Variants in EDA observed in about 807,000 individuals in gnomAD.
EDA encodes the protein ectodysplasin-A.
A neutral mutation model predicts 23.6 loss-of-function variants in EDA; 2 were observed. That is an observed-to-expected ratio of 0.08 (90% confidence interval 0.03 to 0.27). The LOEUF is 0.27. Ranked by LOEUF, EDA falls within the 10% of genes least tolerant of loss-of-function variation. The pLI, the probability that EDA is intolerant of heterozygous loss-of-function variation, is 1.00. For synonymous variants in EDA, 131 were observed against 132.0 expected (o/e 0.99, Z 0.05); for missense variants, 229 against 324.2 (o/e 0.71, Z 2.26).
intron 1 of EDA, among the ~76,000 whole-genome samples, chrX:69,776,722 CAGG>C (rs928594502): frequency 1.8e-5 from 2 of 110,798 alleles, no homozygotes; most frequent in Non-Finnish European, 3.8e-5. Flanking sequence ...ACAGAAATGG[CAGG>C]AGAAGATTTA....
At chrX:69,664,992 A>G (rs1436149595) in intron 1 of EDA, among the ~76,000 whole-genome samples, 1 of 111,938 alleles carries the variant, frequency 8.9e-6, no homozygotes, top group Non-Finnish European at 1.9e-5. Context: ...TGACTTTTTG[A>G]TAATAGCCAT....
rs763387510 is a variant in EDA, at chrX:69,690,927, C to T, written c.396+74223C>T. Among the ~76,000 whole-genome samples the T allele has an allele frequency of 1.6e-4, 18 of 111,787 alleles. No homozygotes were observed. The Admixed American group carries it at 1.6e-3, about 10-fold the overall frequency. ...AATTTGTATACATACAGTTGTTGATCATATTCCCTTATAGTCCTTGATGTA... is the reference window on the plus strand; with the variant it reads ...AATTTGTATACATACAGTTGTTGATTATATTCCCTTATAGTCCTTGATGTA... On this transcript the variant is annotated intron_variant, in intron 1 of 7. Coordinates refer to ENST00000374552, the MANE Select transcript of EDA (RefSeq NM_001399.5).
intron 1 of EDA, among the ~76,000 whole-genome samples, chrX:69,898,409 G>C (rs1332114997): frequency 1.9e-5 from 2 of 107,951 alleles, no homozygotes; most frequent in African/African-American, 6.7e-5. Context: ...CCCCATCCCT[G>C]CTAAAAATAC....
chrX:69,998,294 C>CT (rs1452342934), intron 2 of EDA, among the ~76,000 whole-genome samples: 1 of 112,624 alleles, frequency 8.9e-6, no homozygotes, highest in Non-Finnish European at 1.9e-5. Context: ...CATTTCGGTA[C>CT]TTTAAGATTT....
intron 1 of EDA, among the ~76,000 whole-genome samples, chrX:69,672,128 C>T (rs187258888): frequency 2.7e-5 from 3 of 111,618 alleles, no homozygotes; most frequent in African/African-American, 9.8e-5. Flanking sequence ...ACTGCTTGTT[C>T]ACTTTTGAGA....
chrX:69,805,171 T>C (rs1189371893), intron 1 of EDA, among the ~76,000 whole-genome samples: 5 of 111,401 alleles, frequency 4.5e-5, no homozygotes, highest in African/African-American at 1.6e-4. Flanking sequence ...CTGTATCAAA[T>C]AGAACTACAA....
At chrX:69,772,488 TA>T (rs2014666201) in intron 1 of EDA, among the ~76,000 whole-genome samples, 1 of 112,126 alleles carries the variant, frequency 8.9e-6, no homozygotes, top group African/African-American at 3.2e-5. Flanking sequence ...TTATTTTTAA[TA>T]ATTTCAATTT....
At position 69,967,395 on chromosome X, in the gene EDA, A is replaced by G. The variant is rs200951089; in HGVS notation, c.502+10263A>G. Among the ~76,000 whole-genome samples, 40 of 111,611 alleles carry G rather than the reference A, an allele frequency of 3.6e-4. No individual in the cohort carries two copies. The East Asian group carries it at 8.0e-3, about 22-fold the overall frequency. On this transcript the variant is annotated intron_variant, in intron 2 of 7. Transcript: ENST00000374552. The stretch of plus-strand genomic sequence containing the variant: ...ACCCAGGTTTCTGGCAAGGTACTAT[A>G]CTAGTCACTGATATAATGATCGGGG...
At chrX:69,914,834 C>T (rs1007234905) in intron 1 of EDA, among the ~76,000 whole-genome samples, 2 of 111,824 alleles carry the variant, frequency 1.8e-5, no homozygotes, top group Admixed American at 1.9e-4. Context: ...ACCAATTACT[C>T]CCATTACCTT....
intron 1 of EDA, among the ~76,000 whole-genome samples, chrX:69,633,879 A>T (rs1206776419): frequency 8.9e-6 from 1 of 112,193 alleles, no homozygotes; most frequent in Non-Finnish European, 1.9e-5. Context: ...GTATATACCT[A>T]GTGGTGGAAT....
chrX:69,702,332 T>G (rs1473587655), intron 1 of EDA, among the ~76,000 whole-genome samples: 2 of 109,452 alleles, frequency 1.8e-5, no homozygotes, highest in Non-Finnish European at 3.8e-5. Context: ...CAGTGGAGGA[T>G]AGATAGGGGC....
chrX:69,859,338 C>T (rs2017327529), intron 1 of EDA, among the ~76,000 whole-genome samples: 1 of 111,214 alleles, frequency 9.0e-6, no homozygotes, highest in Admixed American at 9.6e-5. Context: ...AACTTGAGAT[C>T]TTTCTAACTT....
chrX:69,642,711 A>T (rs1275423266), intron 1 of EDA, among the ~76,000 whole-genome samples: 1 of 111,669 alleles, frequency 9.0e-6, no homozygotes, highest in African/African-American at 3.2e-5. Flanking sequence ...ACTTGATTTA[A>T]TTCAAGTTTT....
At chrX:69,996,242 A>G (rs1204992609) in intron 2 of EDA, among the ~76,000 whole-genome samples, 4 of 112,243 alleles carry the variant, frequency 3.6e-5, no homozygotes, top group Non-Finnish European at 7.5e-5. Context: ...TCAAATTATT[A>G]GGAATAACCA....
intron 4 of EDA, 128 bp from the exon 5 acceptor site, chrX:70,029,376 A>G: frequency 1.3e-6 from 1 of 797,253 alleles, no homozygotes; most frequent in Non-Finnish European, 1.9e-6. Flanking sequence ...TCCAGCTCTG[A>G]GCCCTGGAGA....
intron 1 of EDA, among the ~76,000 whole-genome samples, chrX:69,868,562 ACTT>A (rs1423591358): frequency 1.8e-5 from 2 of 112,180 alleles, no homozygotes; most frequent in South Asian, 7.5e-4. Flanking sequence ...GGTGTTTGCT[ACTT>A]CTTGCTCACT....
intron 1 of EDA, among the ~76,000 whole-genome samples, chrX:69,701,704 G>A (rs919580820): frequency 8.1e-5 from 9 of 111,502 alleles, no homozygotes; most frequent in Admixed American, 7.6e-4. Flanking sequence ...CATGGCTTCA[G>A]TTAAACGAGA....
At chrX:69,873,935 G>A (rs910444546) in intron 1 of EDA, among the ~76,000 whole-genome samples, 1 of 111,940 alleles carries the variant, frequency 8.9e-6, no homozygotes, top group Non-Finnish European at 1.9e-5. Context: ...CAAAATACTA[G>A]CAAACCGAAT....
chrX:69,748,523 T>G (rs2013695850), intron 1 of EDA, among the ~76,000 whole-genome samples: 1 of 111,661 alleles, frequency 9.0e-6, no homozygotes, highest in African/African-American at 3.3e-5. Flanking sequence ...TGGTTGCCTT[T>G]AAGGAATTAT....
Sources: gnomAD v4.1 joint callset for allele counts (sites outside exome capture counted in the v4.1 genomes callset) on GRCh38, gnomAD v4.1.1 for gene constraint, MANE v1.5 for transcripts, NCBI Gene and HGNC (gene_info 2026-07-23, HGNC 2026-07-21) for gene names.